MTM1: variants seen among roughly 807,000 people sequenced by gnomAD.
MTM1 encodes myotubularin 1, also known as myotubularin.
A neutral mutation model predicts 52.1 loss-of-function variants in MTM1; 9 were observed. The ratio of observed to expected loss-of-function variants is 0.17; its 90% CI spans 0.10 to 0.30. The LOEUF is 0.30. Ranked by LOEUF, MTM1 falls within the 10% of genes least tolerant of loss-of-function variation. The pLI is 1.00. For missense variants in MTM1, 277 were observed against 470.7 expected (o/e 0.59, Z 3.81); for synonymous variants, 136 against 163.8 (o/e 0.83, Z 1.29).
chrX:150,580,232 A>G (rs1294977702), intron 1 of MTM1, among the ~76,000 whole-genome samples: 1 of 111,984 alleles, frequency 8.9e-6, no homozygotes, highest in African/African-American at 3.3e-5. Context: ...CTCAGATACA[A>G]TCTTCAGGAA....
At chrX:150,603,033 G>A (rs2039092439) in intron 4 of MTM1, among the ~76,000 whole-genome samples, 1 of 112,202 alleles carries the variant, frequency 8.9e-6, no homozygotes, top group Non-Finnish European at 1.9e-5. Context: ...TTATGCCAGT[G>A]TAGCAAGTCA....
rs1569565321 is a variant in MTM1 at position 150,583,385 on chromosome X, TATAATATA to T, written c.-10-9219_-10-9212del. On this transcript the variant is annotated intron_variant, in intron 1 of 14. Coordinates refer to ENST00000370396, the MANE Select transcript of MTM1 (RefSeq NM_000252.3). ...TATAAATTATATATATTATATATAA[TATAATATA>T]TATAAATTATATATATTATATTATA... Among the ~76,000 whole-genome samples the T allele has an allele frequency of 9.6e-3, 110 of 11,495 alleles. 21 individuals are homozygous for T. In the African/African-American group the frequency reaches 0.14, roughly 14 times the overall value. 10.0% of individuals were successfully genotyped at this position (11,495 alleles called of 115,157 possible). A position where few individuals can be genotyped will look rare whatever the true frequency, so the allele number is the denominator to read the frequency against.
Position 150,575,715 on chromosome X carries a change from G to T in MTM1, c.-11+7053G>T, listed in dbSNP as rs781820316. Among the ~76,000 whole-genome samples, 6 of 112,373 alleles carry T rather than the reference G, an allele frequency of 5.3e-5. No homozygotes were observed. The South Asian group carries it at 2.2e-3, about 42-fold the overall frequency. On this transcript the variant is annotated intron_variant, in intron 1 of 14. Coordinates refer to ENST00000370396, the MANE Select transcript of MTM1 (RefSeq NM_000252.3). ...ACTTGAGAAGGCTCTTGCTTTCAAT[G>T]TTTCACCATAAAGTATTGTGTTTAC...
intron 10 of MTM1, among the ~76,000 whole-genome samples, chrX:150,650,673 C>T (rs1340976698): frequency 3.6e-5 from 4 of 111,162 alleles, no homozygotes; most frequent in African/African-American, 6.6e-5. Context: ...AGTCCCCTCA[C>T]CCCCACACTG....
At chrX:150,639,797 A>G (rs1425050293) in intron 7 of MTM1, among the ~76,000 whole-genome samples, 1 of 112,358 alleles carries the variant, frequency 8.9e-6, no homozygotes, top group African/African-American at 3.2e-5. Flanking sequence ...GTTGAATGAG[A>G]TTTGAGAATC....
intron 9 of MTM1, 101 bp from the exon 10 acceptor site, chrX:150,649,615 G>A (rs1262359452): frequency 1.3e-6 from 1 of 748,866 alleles, no homozygotes; most frequent in African/African-American, 2.1e-5. Context: ...AAATTGGAGG[G>A]TTTGGGGTTA....
In MTM1 at chrX:150,605,654, A is replaced by T. The variant is rs782094856; in HGVS notation, c.231+6968A>T. On this transcript the variant is annotated intron_variant, in intron 4 of 14. Transcript: ENST00000370396. Reference sequence around the variant, plus strand: ...TAATGTGGCCTACTTTGTTTTTCTGATGAGTTGCCAGTGCAAAGGTAATAT... The same window carrying T: ...TAATGTGGCCTACTTTGTTTTTCTGTTGAGTTGCCAGTGCAAAGGTAATAT... 3.6e-5 allele frequency among the ~76,000 whole-genome samples: 4 copies of T among 112,363 alleles called. No individual in the cohort carries two copies. In the South Asian group the frequency reaches 1.1e-3, roughly 31 times the overall value.
At chrX:150,649,997 T>C in intron 10 of MTM1, 96 bp downstream of exon 10, 1 of 802,386 alleles carries the variant, frequency 1.2e-6, no homozygotes, top group Non-Finnish European at 1.8e-6. Context: ...AAAATGGACA[T>C]TGAGAGATAA....
intron 13 of MTM1, 52 bp from the exon 14 acceptor site, chrX:150,663,381 T>A (rs1557414786): frequency 8.5e-7 from 1 of 1,178,535 alleles, no homozygotes; most frequent in Admixed American, 2.2e-5. Context: ...GTTTGTGGAT[T>A]TATGTGTGTT....
chrX:150,634,882 A>G (rs782159219), intron 6 of MTM1, among the ~76,000 whole-genome samples: 8 of 112,179 alleles, frequency 7.1e-5, no homozygotes, highest in African/African-American at 2.3e-4. Flanking sequence ...AATCTAAAAC[A>G]AACTAAAGTA....
At chrX:150,609,606 G>A (rs1557412925) in intron 4 of MTM1, among the ~76,000 whole-genome samples, 1 of 111,565 alleles carries the variant, frequency 9.0e-6, no homozygotes. Flanking sequence ...CAAACCAAGA[G>A]TTTCTAAAAT....
chrX:150,628,631 C>T (rs183072495), intron 6 of MTM1, among the ~76,000 whole-genome samples: 1 of 111,718 alleles, frequency 9.0e-6, no homozygotes, highest in Non-Finnish European at 1.9e-5. Context: ...ACCCACTCCT[C>T]TGTGTTCCCA....
intron 4 of MTM1, among the ~76,000 whole-genome samples, chrX:150,611,148 C>T (rs2039269194): frequency 8.9e-6 from 1 of 111,949 alleles, no homozygotes. Context: ...TGACATTCCT[C>T]CTTATAGGTA....
At chrX:150,632,322 G>A (rs1429574187) in intron 6 of MTM1, among the ~76,000 whole-genome samples, 1 of 111,849 alleles carries the variant, frequency 8.9e-6, no homozygotes, top group African/African-American at 3.3e-5. Flanking sequence ...CCGCACAGAT[G>A]CAGGCTGAAC....
At position 150,645,884 on chromosome X, in the gene MTM1, A is replaced by G; in HGVS notation, c.867+13A>G. 3 of 1,198,807 alleles carry G rather than the reference A, an allele frequency of 2.5e-6. No homozygotes were observed. Among genetic ancestry groups the G allele is most frequent in the South Asian group, 3.5e-5 (2 of 56,729 alleles). On this transcript the variant is annotated intron_variant, in intron 9 of 14. Transcript: ENST00000370396. Reference sequence around the variant, plus strand: ...AGTGGCCAACAAGGTGAGTGGACTTAATGATGTGCTGGACACTTAGCTTAC... The same window carrying G: ...AGTGGCCAACAAGGTGAGTGGACTTGATGATGTGCTGGACACTTAGCTTAC...
intron 6 of MTM1, among the ~76,000 whole-genome samples, chrX:150,637,878 G>C (rs782193072): frequency 1.2e-3 from 131 of 112,475 alleles, no homozygotes; most frequent in African/African-American, 4.0e-3. Flanking sequence ...CCAGATGGCA[G>C]ACAGCTGCAT....
intron 4 of MTM1, among the ~76,000 whole-genome samples, chrX:150,604,011 G>T (rs1001059710): frequency 8.9e-6 from 1 of 111,843 alleles, no homozygotes; most frequent in Admixed American, 9.4e-5. Flanking sequence ...GCAGACCATG[G>T]TGTGAAATGT....
At chrX:150,632,917 G>C (rs1557413614) in intron 6 of MTM1, among the ~76,000 whole-genome samples, 1 of 110,809 alleles carries the variant, frequency 9.0e-6, no homozygotes, top group Non-Finnish European at 1.9e-5. Flanking sequence ...ATACCTAGGA[G>C]ACAGATGACC....
At chrX:150,656,475 A>G (rs2040116506) in intron 10 of MTM1, among the ~76,000 whole-genome samples, 1 of 112,023 alleles carries the variant, frequency 8.9e-6, no homozygotes, top group Non-Finnish European at 1.9e-5. Flanking sequence ...TCAAACTTCT[A>G]GCCTCCAGAA....
Sources: gnomAD v4.1 joint callset for allele counts (sites outside exome capture counted in the v4.1 genomes callset) on GRCh38, gnomAD v4.1.1 for gene constraint, MANE v1.5 for transcripts, NCBI Gene and HGNC (gene_info 2026-07-23, HGNC 2026-07-21) for gene names.